PLPP2: variants seen among roughly 807,000 people sequenced by gnomAD.
PLPP2 encodes the protein phospholipid phosphatase 2.
PLPP2 carries 29 observed loss-of-function variants against 35.2 expected under a neutral mutation model. The observed-to-expected ratio is 0.82, with a 90% CI of 0.61 to 1.12. PLPP2 has a LOEUF of 1.12. PLPP2 is among the 50% of genes most tolerant of loss of function. PLPP2 has a pLI of 0.00. For synonymous variants in PLPP2, 162 were observed against 167.0 expected (o/e 0.97, Z 0.23); for missense variants, 353 against 375.2 (o/e 0.94, Z 0.49).
rs376932537 is a variant in PLPP2, at chr19:291,385, G to C, written c.-49C>G. The C allele has an allele frequency of 3.2e-6, 5 of 1,562,358 alleles. No individual in the cohort carries two copies. Among genetic ancestry groups the C allele is most frequent in the Non-Finnish European group, 4.3e-6 (5 of 1,154,816 alleles). ...GTCCCAGCGCGTCCCGTCGCGTCCCGGCCCGGCCGCGGAGTCACGTGGCGC... is the reference window on the plus strand; with the variant it reads ...GTCCCAGCGCGTCCCGTCGCGTCCCCGCCCGGCCGCGGAGTCACGTGGCGC... On this transcript the variant is annotated 5_prime_UTR_variant, in exon 1 of 6. Coordinates refer to ENST00000434325, the MANE Select transcript of PLPP2 (RefSeq NM_003712.4).
intron 3 of PLPP2, 82 bp from the exon 4 acceptor site, chr19:282,891 GC>G: frequency 7.6e-7 from 1 of 1,311,024 alleles, no homozygotes; most frequent in Non-Finnish European, 1.1e-6. Flanking sequence ...AGAAGGGAGG[GC>G]TCGACACGGA....
chr19:281,740 G>A (rs1278507958), intron 5 of PLPP2, among the ~76,000 whole-genome samples: 3 of 150,348 alleles, frequency 2.0e-5, no homozygotes, highest in African/African-American at 7.4e-5. Flanking sequence ...CAGGCCCCGG[G>A]AAGAACTGCA....
At chr19:282,626 CA>C in intron 4 of PLPP2, 125 bp downstream of exon 4, 1 of 1,061,924 alleles carries the variant, frequency 9.4e-7, no homozygotes, top group Non-Finnish European at 1.4e-6. Context: ...TTTTTATAAA[CA>C]AATCAGTTAG....
chr19:285,560 C>T (rs1354241381), intron 3 of PLPP2: 1 of 150,094 alleles, frequency 6.7e-6, no homozygotes, highest in Non-Finnish European at 1.5e-5. Context: ...GATCACGTCA[C>T]CGCACTCCAG....
chr19:282,892 C>T (rs1970209391), intron 3 of PLPP2, 83 bp from the exon 4 acceptor site: 3 of 1,310,410 alleles, frequency 2.3e-6, no homozygotes, highest in Non-Finnish European at 2.2e-6. Flanking sequence ...GAAGGGAGGG[C>T]TCGACACGGA....
chr19:289,853 G>A (rs929053519), intron 1 of PLPP2, among the ~76,000 whole-genome samples: 8 of 152,224 alleles, frequency 5.3e-5, no homozygotes, highest in East Asian at 1.9e-4. Context: ...TGCAGTTGCC[G>A]GCCGGGTGGA....
At position 291,350 on chromosome 19, in the gene PLPP2, C is replaced by G; in HGVS notation, c.-14G>C. ...CCTCCGCTGCATGGTCCCCGCGACC[C>G]CCGACGCCGGTCCCAGCGCGTCCCG... On this transcript the variant is annotated 5_prime_UTR_variant, in exon 1 of 6. Transcript: ENST00000434325. The G allele has an allele frequency of 1.0e-5, 16 of 1,587,740 alleles. No individual in the cohort carries two copies. The highest frequency in any genetic ancestry group is 1.4e-5 in the Non-Finnish European group (16 of 1,169,612).
At chr19:285,550 G>C (rs1188281818) in intron 3 of PLPP2, 2 of 144,462 alleles carry the variant, frequency 1.4e-5, no homozygotes, top group African/African-American at 2.6e-5. Context: ...AGTGAGACAA[G>C]ATCACGTCAC....
chr19:283,724 A>G (rs1337865639), intron 3 of PLPP2: 1 of 152,268 alleles, frequency 6.6e-6, no homozygotes, highest in East Asian at 1.9e-4. Context: ...CAGGCTCCGC[A>G]CACACAGGAA....
chr19:290,510 G>A (rs1342325385), intron 1 of PLPP2, among the ~76,000 whole-genome samples: 6 of 152,248 alleles, frequency 3.9e-5, no homozygotes, highest in Middle Eastern at 3.4e-3. Context: ...AGATGGCAGA[G>A]AAGCAGGAAA....
At chr19:283,584 A>G (rs1172425336) in intron 3 of PLPP2, 1 of 152,250 alleles carries the variant, frequency 6.6e-6, no homozygotes, top group Non-Finnish European at 1.5e-5. Flanking sequence ...GAGGCAAACA[A>G]CAGACTAACC....
Position 287,854 on chromosome 19 carries a change from G to C in PLPP2, c.205-103C>G, listed in dbSNP as rs962556702. 4.6e-6 allele frequency: 7 copies of C among 1,528,350 alleles called. No individual in the cohort carries two copies. The African/African-American group carries it at 9.6e-5, about 21-fold the overall frequency. The allele number at this position is 1,528,350 out of a possible 1,614,324, so 94.7% of individuals were successfully genotyped here. A position where few individuals can be genotyped will look rare whatever the true frequency, so the allele number is the denominator to read the frequency against. ...AGGCTGCTGGAGAGCTGGGGACTCTGAAGGGGGCCCTATTACCCACAGGTA... is the reference window on the plus strand; with the variant it reads ...AGGCTGCTGGAGAGCTGGGGACTCTCAAGGGGGCCCTATTACCCACAGGTA... On this transcript the variant is annotated intron_variant, in intron 2 of 5. Coordinates refer to ENST00000434325, the MANE Select transcript of PLPP2 (RefSeq NM_003712.4). The surrounding 1 kb of genome is among the most constrained non-coding windows in gnomAD (Gnocchi z 4.3).
At chr19:283,808 A>G (rs1055636578) in intron 3 of PLPP2, 2 of 152,238 alleles carry the variant, frequency 1.3e-5, no homozygotes, top group East Asian at 1.9e-4. Context: ...AGACCCTTCT[A>G]CAAACTCTGG....
rs757625265 is a variant in PLPP2 at position 287,825 on chromosome 19, C to T, written c.205-74G>A. On this transcript the variant is annotated intron_variant, in intron 2 of 5. Transcript: ENST00000434325. The surrounding 1 kb of genome is among the most constrained non-coding windows in gnomAD (Gnocchi z 4.3). ...GCCCTCACTCCTCCGCACGGGCCTC[C>T]CCAAGGCTGCTGGAGAGCTGGGGAC... 369 of 1,568,086 alleles carry T rather than the reference C, an allele frequency of 2.4e-4. No individual in the cohort carries two copies. The highest frequency in any genetic ancestry group is 3.0e-4 in the Non-Finnish European group (342 of 1,155,166).
At chr19:282,657 C>G in intron 4 of PLPP2, 95 bp downstream of exon 4, 1 of 1,332,434 alleles carries the variant, frequency 7.5e-7, no homozygotes, top group Non-Finnish European at 1.1e-6. Flanking sequence ...CCACCACTAC[C>G]CACCCATTTT....
Position 281,272 on chromosome 19 carries a change from GC to G in PLPP2, c.*115del. On this transcript the variant is annotated 3_prime_UTR_variant, in exon 6 of 6. Transcript: ENST00000434325. The stretch of plus-strand genomic sequence containing the variant: ...CGGAGCCCGCTCACTGCTCCCATCA[GC>G]CCAGGGTTCCTGGAGCCCGTCCAGA... 9.4e-7 allele frequency: 1 copy of G among 1,060,266 alleles called. No homozygotes were observed. Among genetic ancestry groups the G allele is most frequent in the Non-Finnish European group, 1.2e-6 (1 of 817,364 alleles). 65.7% of individuals were successfully genotyped at this position (1,060,266 alleles called of 1,614,324 possible).
In PLPP2 at chr19:287,822, C is replaced by T. The variant is rs907149918; in HGVS notation, c.205-71G>A. ...GGGGCCCTCACTCCTCCGCACGGGC[C>T]TCCCCAAGGCTGCTGGAGAGCTGGG... On this transcript the variant is annotated intron_variant, in intron 2 of 5. Transcript: ENST00000434325. This position sits in a 1 kb window ranked among gnomAD's most constrained non-coding sequence, Gnocchi z 4.3. 3 of 1,568,474 alleles carry T rather than the reference C, an allele frequency of 1.9e-6. No individual in the cohort carries two copies. The highest frequency in any genetic ancestry group is 2.6e-6 in the Non-Finnish European group (3 of 1,155,374).
Position 282,284 on chromosome 19 carries a change from C to A in PLPP2, c.567G>T (p.Trp189Cys). ...LALYVQARLCWKWARLLRPTV... is the reference protein window; with the variant it reads ...LALYVQARLCCKWARLLRPTV... ...TGGGTCGCAGCAGCCGTGCCCACTT[C>A]CAACAGAGTCGTGCCTGCACATACA... The change falls in exon 5 of 6, where the codon TGG becomes TGT. Residue 189 changes from tryptophan to cysteine, a missense_variant. By Grantham distance (215) the Trp-to-Cys change is radical. Transcript: ENST00000434325. The A allele has an allele frequency of 6.2e-7, 1 of 1,613,776 alleles. No individual in the cohort carries two copies. Among genetic ancestry groups the A allele is most frequent in the Non-Finnish European group, 8.5e-7 (1 of 1,179,854 alleles).
chr19:283,367 C>T (rs1209803590), intron 3 of PLPP2: 1 of 155,088 alleles, frequency 6.4e-6, no homozygotes, highest in Non-Finnish European at 1.4e-5. Flanking sequence ...CCTGGTCCCT[C>T]TCCCACTGCC....
Sources: gnomAD v4.1 joint callset for allele counts (sites outside exome capture counted in the v4.1 genomes callset) on GRCh38, gnomAD v4.1.1 for gene constraint, Gnocchi (gnomAD v3.1) non-coding constraint, MANE v1.5 for transcripts, NCBI Gene and HGNC (gene_info 2026-07-23, HGNC 2026-07-21) for gene names.